The following P2RY8 variants were observed in gnomAD, a reference collection of about 807,000 sequenced individuals.
P2RY8 encodes S-geranylgeranyl-glutathione receptor P2RY8.
P2RY8 carries 6 observed loss-of-function variants against 10.0 expected under a neutral mutation model. The ratio of observed to expected loss-of-function variants is 0.60; its 90% confidence interval spans 0.33 to 1.19. The LOEUF is 1.19. P2RY8 is among the 50% of genes most tolerant of loss of function. The pLI, the probability that P2RY8 is intolerant of heterozygous loss-of-function variation, is 0.04. For missense variants in P2RY8, 456 were observed against 542.0 expected (o/e 0.84, Z 1.58); for synonymous variants, 276 against 252.5 (o/e 1.09, Z -0.88).
At chrX:1,530,115 A>G (rs779238766) in intron 1 of P2RY8, among the ~76,000 whole-genome samples, 4 of 71,796 alleles carry the variant, frequency 5.6e-5, no homozygotes, top group South Asian at 6.5e-4. Context: ...GTATCTATGT[A>G]TCTATGCATC....
intron 1 of P2RY8, among the ~76,000 whole-genome samples, chrX:1,467,133 G>C (rs1161182275): frequency 6.6e-6 from 1 of 152,104 alleles, no homozygotes; most frequent in Non-Finnish European, 1.5e-5. Flanking sequence ...ATTAGTCTGG[G>C]TATGAGTCCT....
At chrX:1,476,335 G>C (rs1261381493) in intron 1 of P2RY8, among the ~76,000 whole-genome samples, 4 of 152,022 alleles carry the variant, frequency 2.6e-5, no homozygotes, top group African/African-American at 9.7e-5. Flanking sequence ...CCAGCACTTT[G>C]GGAGGCTGAG....
At chrX:1,529,989 C>T (rs73186978) in intron 1 of P2RY8, among the ~76,000 whole-genome samples, 3 of 151,824 alleles carry the variant, frequency 2.0e-5, no homozygotes, top group African/African-American at 7.3e-5. Flanking sequence ...GATGGCCCCA[C>T]CACAGAGAAT....
At chrX:1,506,700 T>C (rs2092236750) in intron 1 of P2RY8, among the ~76,000 whole-genome samples, 2 of 150,302 alleles carry the variant, frequency 1.3e-5, no homozygotes, top group Admixed American at 1.3e-4. Flanking sequence ...TTTTTTGAGA[T>C]GGAGTCTTGC....
Position 1,504,190 on chromosome X carries a change from C to T in P2RY8, c.-25+32731G>A, listed in dbSNP as rs1344063843. Among the ~76,000 whole-genome samples, 40 of 151,948 alleles carry T rather than the reference C, an allele frequency of 2.6e-4. 1 individual carries two copies. Among genetic ancestry groups the T allele is most frequent in the African/African-American group, 8.9e-4 (37 of 41,430 alleles). On this transcript the variant is annotated intron_variant, in intron 1 of 1. Transcript: ENST00000381297. ...AATTAGCTGGGCGTAGTTGCAGGCGCCTGTAGTCCCAGCTACTCGGGAGGC... is the reference window on the plus strand; with the variant it reads ...AATTAGCTGGGCGTAGTTGCAGGCGTCTGTAGTCCCAGCTACTCGGGAGGC...
chrX:1,508,700 TCCATTCTA>T (rs1435894814), intron 1 of P2RY8, among the ~76,000 whole-genome samples: 1,343 of 90,486 alleles, frequency 0.015, 14 homozygotes, highest in African/African-American at 0.047. Context: ...CATCCATCCA[TCCATTCTA>T]TCTATCTATC....
At chrX:1,519,216 T>A (rs187929302) in intron 1 of P2RY8, among the ~76,000 whole-genome samples, 1 of 151,610 alleles carries the variant, frequency 6.6e-6, no homozygotes, top group African/African-American at 2.4e-5. Context: ...GCCTCAATAT[T>A]CTCTCTGAGT....
intron 1 of P2RY8, among the ~76,000 whole-genome samples, chrX:1,513,780 C>T (rs1309547676): frequency 7.9e-5 from 12 of 151,622 alleles, no homozygotes; most frequent in Non-Finnish European, 1.6e-4. Flanking sequence ...CCTGCCTCTC[C>T]CAGCTCCTGG....
chrX:1,465,194 C>T lies in P2RY8; in HGVS notation c.*285G>A, dbSNP rs1295032190. ...GCCGGGCGTGGTGACACAAGCTGTC[C>T]CCTGACACAGAGAGGCAGAGGCACC... On this transcript the variant is annotated 3_prime_UTR_variant, in exon 2 of 2. Transcript: ENST00000381297. 1 of 507,064 alleles carries T rather than the reference C, an allele frequency of 2.0e-6. No homozygotes were observed. The highest frequency in any genetic ancestry group is 3.2e-5 in the East Asian group (1 of 31,562). The allele number at this position is 507,064 out of a possible 1,614,324, so 31.4% of individuals were successfully genotyped here.
intron 1 of P2RY8, among the ~76,000 whole-genome samples, chrX:1,513,316 T>A (rs2092314083): frequency 6.6e-6 from 1 of 152,066 alleles, no homozygotes; most frequent in African/African-American, 2.4e-5. Flanking sequence ...TTGTAAATAG[T>A]GCTGCAATAA....
At chrX:1,513,674 G>A (rs1281761554) in intron 1 of P2RY8, among the ~76,000 whole-genome samples, 1 of 151,894 alleles carries the variant, frequency 6.6e-6, no homozygotes, top group Non-Finnish European at 1.5e-5. Flanking sequence ...TACAGACTCT[G>A]AGCATTAGGA....
At chrX:1,467,823 A>G (rs1305965688) in intron 1 of P2RY8, among the ~76,000 whole-genome samples, 1 of 150,780 alleles carries the variant, frequency 6.6e-6, no homozygotes, top group Non-Finnish European at 1.5e-5. Context: ...ACTACAGGTG[A>G]GAGTACAACC....
At chrX:1,485,206 C>A (rs1385654558) in intron 1 of P2RY8, among the ~76,000 whole-genome samples, 1 of 151,788 alleles carries the variant, frequency 6.6e-6, no homozygotes, top group Admixed American at 6.6e-5. Flanking sequence ...GGCTTCATGG[C>A]GGCTCACGGC....
In P2RY8 at chrX:1,466,017, C is replaced by A; in HGVS notation, c.542G>T (p.Trp181Leu). 2 of 1,612,034 alleles carry A rather than the reference C, an allele frequency of 1.2e-6. No homozygotes were observed. Among genetic ancestry groups the A allele is most frequent in the Admixed American group, 1.7e-5 (1 of 60,024 alleles). Residue 181 changes from tryptophan to leucine, a missense_variant, in exon 2 of 2, where the codon TGG becomes TTG. Trp to Leu is a moderately conservative substitution (Grantham distance 61). Transcript: ENST00000381297. Reference protein sequence around the residue: ...GIITCFDVLKWTMLPSVAMWA... With the variant: ...GIITCFDVLKLTMLPSVAMWA... ...CATGGCCACGCTGGGGAGCATCGTC[C>A]ACTTGAGGACGTCGAAGCAGGTGAT...
At chrX:1,484,939 G>A (rs2091973723) in intron 1 of P2RY8, among the ~76,000 whole-genome samples, 1 of 150,762 alleles carries the variant, frequency 6.6e-6, no homozygotes, top group South Asian at 2.1e-4. Flanking sequence ...AAGACAGGTG[G>A]AGAATTTGTT....
At chrX:1,507,052 G>A (rs1488846320) in intron 1 of P2RY8, among the ~76,000 whole-genome samples, 1 of 26,094 alleles carries the variant, frequency 3.8e-5, no homozygotes, top group Non-Finnish European at 1.4e-4. Flanking sequence ...CTAGGAGCTG[G>A]CCACCAAGAA....
intron 1 of P2RY8, among the ~76,000 whole-genome samples, chrX:1,507,008 G>T (rs1438540548): frequency 4.5e-5 from 1 of 22,310 alleles, no homozygotes; most frequent in Non-Finnish European, 1.7e-4. Context: ...TGTAGGCAAT[G>T]GACGGGTCCT....
In P2RY8 at chrX:1,505,158, G is replaced by GA. The variant is rs1603457919; in HGVS notation, c.-25+31762dup. Among the ~76,000 whole-genome samples, 4 of 103,646 alleles carry GA rather than the reference G, an allele frequency of 3.9e-5. No homozygotes were observed. The Admixed American group carries it at 4.0e-4, about 10-fold the overall frequency. 68.0% of individuals were successfully genotyped at this position (103,646 alleles called of 152,430 possible). A position where few individuals can be genotyped will look rare whatever the true frequency, so the allele number is the denominator to read the frequency against. On this transcript the variant is annotated intron_variant, in intron 1 of 1. Transcript: ENST00000381297. ...GTCTCAAAAAAAAAAAAAAAAGGAA[G>GA]AAAATCTCATGCTCAACCTCAAATT...
intron 1 of P2RY8, among the ~76,000 whole-genome samples, chrX:1,484,724 T>TA (rs1171758279): frequency 0.16 from 2,760 of 16,754 alleles, 376 homozygotes; most frequent in East Asian, 0.45. Flanking sequence ...CAAAACCCTG[T>TA]AAAAAAAAAA....
Sources: gnomAD v4.1 joint callset for allele counts (sites outside exome capture counted in the v4.1 genomes callset) on GRCh38, gnomAD v4.1.1 for gene constraint, MANE v1.5 for transcripts, NCBI Gene and HGNC (gene_info 2026-07-23, HGNC 2026-07-21) for gene names.